The following PDGFRA variants were observed in gnomAD, a reference collection of about 807,000 sequenced individuals.
PDGFRA encodes platelet-derived growth factor receptor alpha.
A neutral mutation model predicts 121.5 loss-of-function variants in PDGFRA; 25 were observed. The observed-to-expected ratio is 0.21, with a 90% CI of 0.15 to 0.29. The LOEUF (loss-of-function observed/expected upper bound fraction) is 0.29. Among genes scored for constraint, PDGFRA ranks in the 10% least tolerant of loss-of-function variants. The pLI is 1.00. For synonymous variants in PDGFRA, 463 were observed against 494.8 expected (o/e 0.94, Z 0.85); for missense variants, 1,008 against 1,345.1 (o/e 0.75, Z 3.92).
intron 1 of PDGFRA, among the ~76,000 whole-genome samples, chr4:54,244,832 C>T (rs998544591): frequency 7.2e-5 from 11 of 152,196 alleles, no homozygotes; most frequent in East Asian, 1.9e-4. Flanking sequence ...AAACTTTAGA[C>T]GAATCTATAA....
At chr4:54,250,103 G>A (rs1285308419) in intron 1 of PDGFRA, among the ~76,000 whole-genome samples, 3 of 152,098 alleles carry the variant, frequency 2.0e-5, no homozygotes, top group Non-Finnish European at 1.5e-5. Context: ...GATAATGAAA[G>A]ATTTTTATTT....
chr4:54,247,662 A>G (rs1162226674), intron 1 of PDGFRA, among the ~76,000 whole-genome samples: 1 of 152,196 alleles, frequency 6.6e-6, no homozygotes, highest in Non-Finnish European at 1.5e-5. Flanking sequence ...AAACTGGCAC[A>G]AGACAGGGAT....
At chr4:54,234,177 A>C (rs922178015) in intron 1 of PDGFRA, among the ~76,000 whole-genome samples, 5 of 152,106 alleles carry the variant, frequency 3.3e-5, no homozygotes, top group African/African-American at 1.2e-4. Flanking sequence ...GATGGGGATG[A>C]TGATGGGGAT....
chr4:54,259,845 A>G (rs1722589028), intron 2 of PDGFRA, among the ~76,000 whole-genome samples: 2 of 152,206 alleles, frequency 1.3e-5, no homozygotes, highest in South Asian at 4.1e-4. Flanking sequence ...GAGATTACAA[A>G]TCACTAATTA....
At chr4:54,280,593 A>G in intron 16 of PDGFRA, 111 bp downstream of exon 16, 1 of 846,694 alleles carries the variant, frequency 1.2e-6, no homozygotes, top group Non-Finnish European at 1.9e-6. Flanking sequence ...CTGGCAGCCC[A>G]CGTGGTCTCT....
chr4:54,264,834 T>TA lies in PDGFRA; in HGVS notation c.629-68dup, dbSNP rs61317836. ...TGCAAATTATTTTTCAGGGTTTTCTTAAAAAAAAAAAAAAAAACCCAAACT... is the reference window on the plus strand; with the variant it reads ...TGCAAATTATTTTTCAGGGTTTTCTTAAAAAAAAAAAAAAAAAACCCAAACT... On this transcript the variant is annotated intron_variant, in intron 4 of 22. Transcript: ENST00000257290. The TA allele has an allele frequency of 0.15, 152,187 of 1,001,848 alleles. 3 individuals are homozygous for TA. Among genetic ancestry groups the TA allele is most frequent in the Non-Finnish European group, 0.17 (114,682 of 689,738 alleles). 62.1% of individuals were successfully genotyped at this position (1,001,848 alleles called of 1,614,324 possible). A position where few individuals can be genotyped will look rare whatever the true frequency, so the allele number is the denominator to read the frequency against.
intron 7 of PDGFRA, among the ~76,000 whole-genome samples, chr4:54,269,433 A>G (rs1012465822): frequency 2.0e-5 from 3 of 151,864 alleles, no homozygotes; most frequent in Non-Finnish European, 4.4e-5. Flanking sequence ...TCTCCATTCC[A>G]GTTGCTTTTT....
chr4:54,254,987 G>T (rs917749922), intron 1 of PDGFRA, among the ~76,000 whole-genome samples: 2 of 152,164 alleles, frequency 1.3e-5, no homozygotes, highest in African/African-American at 4.8e-5. Flanking sequence ...GGGCCGGGTG[G>T]GGGGCGGTGC....
intron 10 of PDGFRA, among the ~76,000 whole-genome samples, chr4:54,273,975 A>T (rs937360857): frequency 4.6e-5 from 7 of 152,186 alleles, no homozygotes; most frequent in Admixed American, 3.9e-4. Context: ...TCTACCTAGG[A>T]CGTTGTTTTA....
intron 1 of PDGFRA, chr4:54,239,958 C>T: frequency 4.0e-6 from 1 of 251,250 alleles, no homozygotes. Flanking sequence ...TCAAGTGATC[C>T]TTCCACCTCA....
At position 54,288,832 on chromosome 4, in the gene PDGFRA, C is replaced by T. The variant is rs2110344549; in HGVS notation, c.2708C>T (p.Ser903Phe). Residue 903 changes from serine (S) to phenylalanine (F), a missense_variant, in exon 20 of 23, where the codon TCT becomes TTT. Around this residue, in one of 5 missense-constraint regions of PDGFRA, gnomAD observed 204 missense variants for 243.0 expected, o/e 0.84. Transcript: ENST00000257290. ...CCTTACCCCGGCATGATGGTGGATT[C>T]TACTTTCTACAATAAGATCAAGAGT... ...GTPYPGMMVD[S>F]TFYNKIKSGY... The T allele has an allele frequency of 6.2e-7, 1 of 1,613,464 alleles. No homozygotes were observed. Among genetic ancestry groups the T allele is most frequent in the Non-Finnish European group, 8.5e-7 (1 of 1,179,378 alleles).
rs1723875775 is a variant in PDGFRA, at chr4:54,278,426, T to G, written c.2067T>G (p.Asn689Lys). 1.2e-6 allele frequency: 2 copies of G among 1,613,696 alleles called. No individual in the cohort carries two copies. The highest frequency in any genetic ancestry group is 1.7e-6 in the Non-Finnish European group (2 of 1,179,722). The change falls in exon 15 of 23, where the codon AAT (asparagine) becomes AAG (lysine). Residue 689 changes from asparagine to lysine, a missense_variant. Coordinates refer to ENST00000257290, the MANE Select transcript of PDGFRA (RefSeq NM_006206.6). ...YGDLVNYLHK[N>K]RDSFLSHHPE... is the part of the protein sequence containing the mutation. ...ATTTGGTCAACTATTTGCATAAGAA[T>G]AGGGATAGCTTCCTGAGCCACCACC...
chr4:54,264,732 A>C (rs556023247), intron 4 of PDGFRA, 187 bp from the exon 5 acceptor site: 1 of 560,196 alleles, frequency 1.8e-6, no homozygotes, highest in South Asian at 2.0e-5. Context: ...TATTATAACT[A>C]TATGCCTAAT....
intron 3 of PDGFRA, among the ~76,000 whole-genome samples, chr4:54,261,922 TA>T (rs1197584652): frequency 1.8e-3 from 128 of 72,668 alleles, no homozygotes; most frequent in Non-Finnish European, 2.3e-3. Context: ...TATATATATA[TA>T]TATATATATT....
chr4:54,235,609 A>AGT (rs1156763304), intron 1 of PDGFRA, among the ~76,000 whole-genome samples: 2 of 152,144 alleles, frequency 1.3e-5, no homozygotes, highest in Non-Finnish European at 2.9e-5. Context: ...ACCAGGCTGG[A>AGT]GGTAACAGGG....
chr4:54,243,316 A>G (rs1167422981), intron 1 of PDGFRA, among the ~76,000 whole-genome samples: 1 of 152,236 alleles, frequency 6.6e-6, no homozygotes, highest in Non-Finnish European at 1.5e-5. Context: ...CTAAGAGTTA[A>G]CATTATAGCA....
At chr4:54,254,038 A>C (rs1722213927) in intron 1 of PDGFRA, among the ~76,000 whole-genome samples, 1 of 152,094 alleles carries the variant, frequency 6.6e-6, no homozygotes, top group Admixed American at 6.6e-5. Context: ...GGCTTCAATT[A>C]CTTATATTTG....
chr4:54,279,978 T>G (rs1723979163), intron 15 of PDGFRA, among the ~76,000 whole-genome samples: 1 of 152,098 alleles, frequency 6.6e-6, no homozygotes, highest in African/African-American at 2.4e-5. Context: ...ATCCACTCCT[T>G]GATTGATGGG....
chr4:54,288,215 A>G (rs927341426), intron 19 of PDGFRA, among the ~76,000 whole-genome samples: 1 of 152,170 alleles, frequency 6.6e-6, no homozygotes, highest in Non-Finnish European at 1.5e-5. Context: ...AGGGAACTTA[A>G]CTTGACCTGG....
Sources: gnomAD v4.1 joint callset for allele counts (sites outside exome capture counted in the v4.1 genomes callset) on GRCh38, gnomAD v4.1.1 for gene constraint, gnomAD v4.1.1 regional missense constraint, MANE v1.5 for transcripts, NCBI Gene and HGNC (gene_info 2026-07-23, HGNC 2026-07-21) for gene names.